Variants in CACNB2 observed in about 807,000 individuals in gnomAD.
CACNB2 encodes the protein voltage-dependent L-type calcium channel subunit beta-2.
Under a neutral mutation model 73.3 loss-of-function variants are expected in CACNB2, and 42 were observed. That is an observed-to-expected ratio of 0.57 (90% CI 0.45 to 0.74). The LOEUF (loss-of-function observed/expected upper bound fraction) is 0.74, where lower values mean the gene tolerates loss of function less well. CACNB2 is among the 30% of genes least tolerant of loss of function. CACNB2 has a pLI of 0.00. For missense variants in CACNB2, 940 were observed against 853.0 expected (o/e 1.10, Z -1.27); for synonymous variants, 348 against 310.3 (o/e 1.12, Z -1.28).
At chr10:18,489,946 T>A (rs759888148) in intron 3 of CACNB2, among the ~76,000 whole-genome samples, 5 of 152,124 alleles carry the variant, frequency 3.3e-5, no homozygotes, top group Non-Finnish European at 7.4e-5. Context: ...GGCGTGATCA[T>A]GGCTCACTGC....
intron 1 of CACNB2, among the ~76,000 whole-genome samples, chr10:18,144,130 T>G (rs2130994909): frequency 6.6e-6 from 1 of 152,314 alleles, no homozygotes; most frequent in Admixed American, 6.5e-5. Context: ...CAGGCTGGAG[T>G]GCAGTGGCAT....
intron 9 of CACNB2, among the ~76,000 whole-genome samples, chr10:18,526,732 A>G (rs1455094132): frequency 1.3e-5 from 2 of 152,144 alleles, no homozygotes; most frequent in African/African-American, 4.8e-5. Flanking sequence ...TGTTCTTTCC[A>G]CAACAATCAT....
chr10:18,147,978 T>G (rs1166692385), intron 1 of CACNB2, among the ~76,000 whole-genome samples: 1 of 152,142 alleles, frequency 6.6e-6, no homozygotes, highest in Non-Finnish European at 1.5e-5. Context: ...TTTAAAGGTA[T>G]ATGAAAATGG....
intron 2 of CACNB2, among the ~76,000 whole-genome samples, chr10:18,195,507 G>C (rs2034584194): frequency 6.6e-6 from 1 of 152,208 alleles, no homozygotes. Flanking sequence ...GTTACAGATT[G>C]TGTCTCAGCT....
chr10:18,174,386 T>TTCTC (rs55794517), intron 2 of CACNB2, among the ~76,000 whole-genome samples: 108,600 of 139,856 alleles, frequency 0.78, 42,661 homozygotes, highest in African/African-American at 0.88. Flanking sequence ...TCTTTTTCTT[T>TTCTC]TCTTTCTTTC....
chr10:18,207,366 A>G (rs144422637), intron 2 of CACNB2, among the ~76,000 whole-genome samples: 475 of 152,272 alleles, frequency 3.1e-3, no homozygotes, highest in Middle Eastern at 0.01. Context: ...ATTTTTAGCT[A>G]TTGTTAATCT....
chr10:18,495,676 G>C (rs973932919), intron 3 of CACNB2, among the ~76,000 whole-genome samples: 1 of 151,688 alleles, frequency 6.6e-6, no homozygotes, highest in Non-Finnish European at 1.5e-5. Flanking sequence ...CCCTCCCAAA[G>C]TGTTGGGATT....
intron 3 of CACNB2, among the ~76,000 whole-genome samples, chr10:18,469,852 T>C (rs1400902651): frequency 1.3e-5 from 2 of 152,194 alleles, no homozygotes; most frequent in East Asian, 3.8e-4. Context: ...CCCTACTCTT[T>C]ATTAAAACCT....
intron 2 of CACNB2, among the ~76,000 whole-genome samples, chr10:18,209,578 C>T (rs1344085481): frequency 6.6e-6 from 1 of 152,056 alleles, no homozygotes. Flanking sequence ...GTTATTTTTT[C>T]ACTTATAATT....
intron 3 of CACNB2, among the ~76,000 whole-genome samples, chr10:18,451,060 A>T (rs2046999588): frequency 6.6e-6 from 1 of 152,210 alleles, no homozygotes; most frequent in African/African-American, 2.4e-5. Flanking sequence ...TCTTACCTAT[A>T]CATGCGATAA....
chr10:18,141,290 C>A, intron 1 of CACNB2: 1 of 1,292,462 alleles, frequency 7.7e-7, no homozygotes, highest in Non-Finnish European at 1.1e-6. Flanking sequence ...GGCCACGCTC[C>A]GAGCCGGGGT....
chr10:18,259,732 G>GAA (rs34296190), intron 2 of CACNB2, among the ~76,000 whole-genome samples: 7 of 40,996 alleles, frequency 1.7e-4, no homozygotes, highest in African/African-American at 3.2e-4. Flanking sequence ...CTCTGTCTCA[G>GAA]AAAAAAAAAA....
intron 3 of CACNB2, among the ~76,000 whole-genome samples, chr10:18,464,911 G>A (rs2047792589): frequency 1.3e-5 from 2 of 152,252 alleles, no homozygotes. Context: ...AGGAGTCCAG[G>A]TTAAAGGGAT....
At chr10:18,533,551 T>C (rs757489545) in intron 10 of CACNB2, among the ~76,000 whole-genome samples, 1 of 152,158 alleles carries the variant, frequency 6.6e-6, no homozygotes, top group East Asian at 1.9e-4. Flanking sequence ...ATATGAGGTG[T>C]GTTTTTGGAT....
intron 2 of CACNB2, among the ~76,000 whole-genome samples, chr10:18,208,690 T>A (rs895294234): frequency 6.6e-6 from 1 of 151,996 alleles, no homozygotes; most frequent in Non-Finnish European, 1.5e-5. Context: ...TTGTTCACCT[T>A]ATTTGTTAAA....
At chr10:18,266,996 CTATGTGTGTGTGTGTATA>C (rs1326122481) in intron 2 of CACNB2, among the ~76,000 whole-genome samples, 1 of 151,792 alleles carries the variant, frequency 6.6e-6, no homozygotes, top group Admixed American at 6.6e-5. Flanking sequence ...TGTATATATA[CTATGTGTGTGTGTGTATA>C]TATGTGTGTG....
chr10:18,191,249 T>C (rs1409811668), intron 2 of CACNB2, among the ~76,000 whole-genome samples: 2 of 152,240 alleles, frequency 1.3e-5, no homozygotes, highest in Non-Finnish European at 1.5e-5. Context: ...CCTATCTATA[T>C]TTTATGAATG....
intron 2 of CACNB2, among the ~76,000 whole-genome samples, chr10:18,237,447 A>T (rs2036489888): frequency 6.6e-6 from 1 of 152,148 alleles, no homozygotes; most frequent in South Asian, 2.1e-4. Context: ...AAGCCAAGGA[A>T]TGTCAAGGAC....
At chr10:18,446,737 T>C (rs981019704) in intron 3 of CACNB2, among the ~76,000 whole-genome samples, 3 of 152,148 alleles carry the variant, frequency 2.0e-5, no homozygotes, top group Admixed American at 2.0e-4. Flanking sequence ...TGGTGTTGTC[T>C]AATTTCCCAT....
Sources: gnomAD v4.1 joint callset for allele counts (sites outside exome capture counted in the v4.1 genomes callset) on GRCh38, gnomAD v4.1.1 for gene constraint, MANE v1.5 for transcripts, NCBI Gene and HGNC (gene_info 2026-07-23, HGNC 2026-07-21) for gene names.